The following TGFBR3 variants were observed in gnomAD, a reference collection of about 807,000 sequenced individuals.
The protein encoded by TGFBR3 is transforming growth factor beta receptor type 3.
In TGFBR3, 46 loss-of-function variants were observed where a neutral mutation model predicts 87.9. That is an observed-to-expected ratio of 0.52 (90% CI 0.41 to 0.67). The LOEUF (loss-of-function observed/expected upper bound fraction) is 0.67, where lower values mean the gene tolerates loss of function less well. Ranked by LOEUF, TGFBR3 falls within the 30% of genes least tolerant of loss-of-function variation. The pLI is 0.00. For synonymous variants in TGFBR3, 381 were observed against 391.6 expected, an observed-to-expected ratio of 0.97 and a Z score of 0.32; for missense variants, 866 against 1,041.9, an observed-to-expected ratio of 0.83 and a Z score of 2.32.
rs575187716 is a variant in TGFBR3 at position 91,780,805 on chromosome 1, G to A, written c.246+16482C>T. On this transcript the variant is annotated intron_variant, in intron 3 of 16. Coordinates refer to ENST00000212355, the MANE Select transcript of TGFBR3 (RefSeq NM_003243.5). ...ACTCCTGACCTCAGGTAACCCACCCGCCTCAGCCTCCCAAAGTGCTGGGAT... is the reference window on the plus strand; with the variant it reads ...ACTCCTGACCTCAGGTAACCCACCCACCTCAGCCTCCCAAAGTGCTGGGAT... 7.3e-5 allele frequency among the ~76,000 whole-genome samples: 11 copies of A among 151,064 alleles called. No individual in the cohort carries two copies. In the South Asian group the frequency reaches 1.9e-3, roughly 26 times the overall value.
chr1:91,893,998 AGTG>A (rs1679498987), intron 2 of TGFBR3, among the ~76,000 whole-genome samples: 1 of 151,298 alleles, frequency 6.6e-6, no homozygotes. Context: ...GGGAGGCCAA[AGTG>A]GGTGGATCAC....
At chr1:91,743,025 C>CA (rs1437189435) in intron 4 of TGFBR3, among the ~76,000 whole-genome samples, 1 of 152,150 alleles carries the variant, frequency 6.6e-6, no homozygotes, top group African/African-American at 2.4e-5. Flanking sequence ...TTTGTTTCCA[C>CA]ACCTGTCTTT....
chr1:91,713,910 C>T (rs1297418545), intron 12 of TGFBR3, among the ~76,000 whole-genome samples: 2 of 151,968 alleles, frequency 1.3e-5, no homozygotes, highest in Non-Finnish European at 2.9e-5. Flanking sequence ...AATCTCTTCT[C>T]TAATCTCAAA....
At chr1:91,804,310 C>T (rs931059369) in intron 2 of TGFBR3, among the ~76,000 whole-genome samples, 5 of 152,184 alleles carry the variant, frequency 3.3e-5, no homozygotes. Context: ...TTTTTGTCTT[C>T]TCTTCCCGGA....
At chr1:91,758,510 C>T (rs3738441) in intron 4 of TGFBR3, 103 bp downstream of exon 4, 359,314 of 1,332,480 alleles carry the variant, frequency 0.27, 53,241 homozygotes, top group East Asian at 0.66. Flanking sequence ...TGGACTCTGG[C>T]ATTATTTCAG....
intron 2 of TGFBR3, among the ~76,000 whole-genome samples, chr1:91,853,982 C>A (rs1677842498): frequency 6.6e-6 from 1 of 152,186 alleles, no homozygotes; most frequent in South Asian, 2.1e-4. Context: ...GCACTCCAGC[C>A]TGGGTGACAC....
rs905482451 is a variant in TGFBR3, at chr1:91,681,740, A to G, written c.*1999T>C. 1.8e-5 allele frequency: 8 copies of G among 439,914 alleles called. No individual in the cohort carries two copies. The highest frequency in any genetic ancestry group is 3.6e-5 in the Non-Finnish European group (8 of 222,884). The allele number at this position is 439,914 out of a possible 1,614,324, so 27.3% of individuals were successfully genotyped here. On this transcript the variant is annotated 3_prime_UTR_variant, in exon 17 of 17. Transcript: ENST00000212355. The stretch of plus-strand genomic sequence containing the variant: ...ACAAATTTTGTAGTAAAATATAGCT[A>G]TAAGTGACTTAAAGACTCTAGTCTT...
intron 3 of TGFBR3, among the ~76,000 whole-genome samples, chr1:91,776,107 T>C (rs1328485130): frequency 1.3e-5 from 2 of 152,340 alleles, no homozygotes; most frequent in South Asian, 2.1e-4. Flanking sequence ...GGCTGTTTCA[T>C]TGCAGCTCAA....
chr1:91,854,831 T>C (rs527987526), intron 2 of TGFBR3, among the ~76,000 whole-genome samples: 4 of 152,332 alleles, frequency 2.6e-5, no homozygotes, highest in African/African-American at 9.6e-5. Context: ...CAACCAAGAC[T>C]TGAATTATCT....
intron 2 of TGFBR3, among the ~76,000 whole-genome samples, chr1:91,897,228 G>A (rs1679572065): frequency 6.6e-6 from 1 of 152,206 alleles, no homozygotes; most frequent in African/African-American, 2.4e-5. Flanking sequence ...ACTGTCAAAT[G>A]TAGCCTGCGG....
At chr1:91,708,927 A>T in intron 13 of TGFBR3, 144 bp from the exon 14 acceptor site, 1 of 1,169,664 alleles carries the variant, frequency 8.5e-7, no homozygotes, top group Non-Finnish European at 1.2e-6. Context: ...GGTGTTTTTC[A>T]GAGAACACCA....
intron 1 of TGFBR3, among the ~76,000 whole-genome samples, chr1:91,865,040 CA>C (rs2101211472): frequency 6.6e-6 from 1 of 151,578 alleles, no homozygotes; most frequent in South Asian, 2.1e-4. Context: ...CCAGCTCAAC[CA>C]AAAATACAAA....
At chr1:91,855,853 CT>C (rs965954694) in intron 2 of TGFBR3, among the ~76,000 whole-genome samples, 9 of 150,914 alleles carry the variant, frequency 6.0e-5, no homozygotes, top group South Asian at 2.1e-4. Flanking sequence ...TAGATAATTT[CT>C]TTTTTTTTCT....
upstream of TGFBR3, among the ~76,000 whole-genome samples, chr1:91,890,899 T>G (rs1260187454): frequency 8.3e-6 from 1 of 120,226 alleles, no homozygotes; most frequent in African/African-American, 2.9e-5. Flanking sequence ...GAGTCTCATA[T>G]TTCCTTTTTT....
chr1:91,819,323 G>A (rs931245994), intron 2 of TGFBR3, among the ~76,000 whole-genome samples: 4 of 151,868 alleles, frequency 2.6e-5, no homozygotes, highest in South Asian at 4.2e-4. Flanking sequence ...AGCTGAGATC[G>A]CGCCACTGTA....
chr1:91,723,746 G>C (rs973529530), intron 7 of TGFBR3, among the ~76,000 whole-genome samples: 11 of 152,150 alleles, frequency 7.2e-5, no homozygotes, highest in African/African-American at 2.4e-4. Flanking sequence ...AACAGGGCTG[G>C]AAAGCCCTTC....
intron 2 of TGFBR3, among the ~76,000 whole-genome samples, chr1:91,802,945 G>A (rs560463668): frequency 6.6e-5 from 10 of 152,108 alleles, no homozygotes; most frequent in African/African-American, 1.2e-4. Context: ...ATCTCCATGG[G>A]CACCATCGTC....
rs772068416 is a variant in TGFBR3 at position 91,683,012 on chromosome 1, C to T, written c.*727G>A. On this transcript the variant is annotated 3_prime_UTR_variant, in exon 17 of 17. Coordinates refer to ENST00000212355, the MANE Select transcript of TGFBR3 (RefSeq NM_003243.5). Reference sequence around the variant, plus strand: ...AATTTCTGTAGGCCTGTAAGAAATACAAAATTTGCATTAAGACATTTTGCA... The same window carrying T: ...AATTTCTGTAGGCCTGTAAGAAATATAAAATTTGCATTAAGACATTTTGCA... The T allele has an allele frequency of 2.2e-5, 10 of 454,344 alleles. No homozygotes were observed. The East Asian group carries it at 5.6e-4, about 25-fold the overall frequency. The allele number at this position is 454,344 out of a possible 1,614,324, so 28.1% of individuals were successfully genotyped here. A position where few individuals can be genotyped will look rare whatever the true frequency, so the allele number is the denominator to read the frequency against.
In TGFBR3 at chr1:91,683,527, GGT is replaced by G; in HGVS notation, c.*210_*211del. On this transcript the variant is annotated 3_prime_UTR_variant, in exon 17 of 17. Coordinates refer to ENST00000212355, the MANE Select transcript of TGFBR3 (RefSeq NM_003243.5). ...AGCTTTCTCACATGAATTCTAGTGTGGTACAGAAGCCCAGGGTCATGTTTATA... is the reference window on the plus strand; with the variant it reads ...AGCTTTCTCACATGAATTCTAGTGTGACAGAAGCCCAGGGTCATGTTTATA... 1.4e-6 allele frequency: 1 copy of G among 695,592 alleles called. No individual in the cohort carries two copies. The highest frequency in any genetic ancestry group is 1.7e-5 in the African/African-American group (1 of 57,222). 43.1% of individuals were successfully genotyped at this position (695,592 alleles called of 1,614,324 possible).
Sources: allele counts gnomAD v4.1 joint callset (sites outside exome capture counted in the v4.1 genomes callset), GRCh38; gene constraint gnomAD v4.1.1; transcripts MANE v1.5; gene names NCBI Gene and HGNC (gene_info 2026-07-23, HGNC 2026-07-21).